The following PRRG1 variants were observed in gnomAD, a reference collection of about 807,000 sequenced individuals.
The protein encoded by PRRG1 is proline rich and Gla domain 1.
Under a neutral mutation model 11.8 loss-of-function variants are expected in PRRG1, and 5 were observed. The ratio of observed to expected loss-of-function variants is 0.42; its 90% CI spans 0.22 to 0.89. PRRG1 has a LOEUF of 0.89. Among genes scored for constraint, PRRG1 ranks in the 40% least tolerant of loss-of-function variants. The pLI is 0.28. For missense variants in PRRG1, 155 were observed against 166.1 expected (o/e 0.93, Z 0.37); for synonymous variants, 66 against 60.4 (o/e 1.09, Z -0.43).
intron 1 of PRRG1, among the ~76,000 whole-genome samples, chrX:37,353,425 G>A (rs1289074746): frequency 8.9e-6 from 1 of 111,791 alleles, no homozygotes. Flanking sequence ...GTAAGCTAAG[G>A]TTAATTTATT....
intron 1 of PRRG1, among the ~76,000 whole-genome samples, chrX:37,378,500 C>T (rs781985036): frequency 2.7e-5 from 3 of 111,751 alleles, no homozygotes; most frequent in Admixed American, 9.5e-5. Flanking sequence ...GAGTGACTTT[C>T]CTTGATAGTT....
At chrX:37,399,368 A>C (rs1931861709) in intron 1 of PRRG1, among the ~76,000 whole-genome samples, 1 of 108,359 alleles carries the variant, frequency 9.2e-6, no homozygotes, top group South Asian at 4.1e-4. Flanking sequence ...AGAATTTCAT[A>C]TCCAGCCAAA....
intron 1 of PRRG1, among the ~76,000 whole-genome samples, chrX:37,385,439 G>T (rs1375281966): frequency 1.8e-5 from 2 of 109,974 alleles, no homozygotes; most frequent in Non-Finnish European, 3.8e-5. Flanking sequence ...ATTCAACAAG[G>T]TGTATACTAA....
At chrX:37,399,468 G>A (rs1556379515) in intron 1 of PRRG1, among the ~76,000 whole-genome samples, 2 of 109,677 alleles carry the variant, frequency 1.8e-5, no homozygotes, top group African/African-American at 6.7e-5. Context: ...CCCTAAAAGA[G>A]CTCCTGAAGG....
At chrX:37,409,220 A>G (rs562669094) in intron 2 of PRRG1, among the ~76,000 whole-genome samples, 3 of 112,397 alleles carry the variant, frequency 2.7e-5, no homozygotes, top group Non-Finnish European at 3.8e-5. Context: ...TAAGAAAATC[A>G]TAAGAAAAAG....
intron 1 of PRRG1, among the ~76,000 whole-genome samples, chrX:37,363,996 T>C (rs1368577692): frequency 9.0e-6 from 1 of 111,501 alleles, no homozygotes; most frequent in Non-Finnish European, 1.9e-5. Context: ...CACCTATATG[T>C]CTGCTTTTTC....
chrX:37,445,503 T>C (rs1556394959), intron 3 of PRRG1, among the ~76,000 whole-genome samples: 1 of 112,312 alleles, frequency 8.9e-6, no homozygotes, highest in African/African-American at 3.2e-5. Flanking sequence ...TGGGATAACC[T>C]GGGATACTGA....
At chrX:37,421,640 C>CT (rs781875388) in intron 2 of PRRG1, among the ~76,000 whole-genome samples, 67 of 112,163 alleles carry the variant, frequency 6.0e-4, no homozygotes, top group African/African-American at 1.9e-3. Context: ...AAGCTGCCAC[C>CT]TTCTCCCTTA....
chrX:37,407,122 A>T (rs1223477486), intron 2 of PRRG1, among the ~76,000 whole-genome samples: 2 of 111,947 alleles, frequency 1.8e-5, no homozygotes, highest in Non-Finnish European at 3.8e-5. Flanking sequence ...CAGGAAAGGT[A>T]TATTTAACAT....
chrX:37,429,105 T>A (rs1300081112), intron 3 of PRRG1, among the ~76,000 whole-genome samples: 1 of 112,090 alleles, frequency 8.9e-6, no homozygotes, highest in Non-Finnish European at 1.9e-5. Flanking sequence ...AACCATTTTT[T>A]CCTTCTGGAC....
chrX:37,441,066 G>A (rs782156792), intron 3 of PRRG1: 189 of 943,841 alleles, frequency 2.0e-4, no homozygotes, highest in Non-Finnish European at 2.4e-4. Context: ...CACCATGCCC[G>A]GCCATCTATT....
intron 1 of PRRG1, among the ~76,000 whole-genome samples, chrX:37,402,250 A>C (rs1287820513): frequency 8.9e-6 from 1 of 111,837 alleles, no homozygotes; most frequent in Non-Finnish European, 1.9e-5. Context: ...ACAAGGCTAC[A>C]GTACTCAAAA....
intron 3 of PRRG1, among the ~76,000 whole-genome samples, chrX:37,428,175 AT>A (rs1186575654): frequency 3.6e-5 from 4 of 110,836 alleles, no homozygotes; most frequent in African/African-American, 1.3e-4. Flanking sequence ...GCCAAACCAT[AT>A]CATTCTGCCC....
intron 3 of PRRG1, among the ~76,000 whole-genome samples, chrX:37,426,766 A>G (rs1319810931): frequency 1.8e-5 from 2 of 112,537 alleles, no homozygotes; most frequent in African/African-American, 3.2e-5. Flanking sequence ...CCATCATGCA[A>G]TCACAAAGCA....
intron 3 of PRRG1, among the ~76,000 whole-genome samples, chrX:37,452,263 A>T (rs1294711679): frequency 8.9e-6 from 1 of 111,902 alleles, no homozygotes; most frequent in African/African-American, 3.2e-5. Flanking sequence ...TTTATATGCC[A>T]GGGACTTAAT....
At chrX:37,365,066 AT>A (rs1930526928) in intron 1 of PRRG1, among the ~76,000 whole-genome samples, 1 of 111,980 alleles carries the variant, frequency 8.9e-6, no homozygotes, top group Non-Finnish European at 1.9e-5. Flanking sequence ...TTCTATTAAG[AT>A]GGCCAAAAGT....
chrX:37,441,915 C>T (rs992310641), intron 3 of PRRG1: 7 of 769,093 alleles, frequency 9.1e-6, no homozygotes, highest in Admixed American at 7.7e-5. Flanking sequence ...CCCAGCTATG[C>T]GACTTCCTGG....
intron 3 of PRRG1, chrX:37,440,959 A>G: frequency 3.3e-6 from 2 of 603,973 alleles, no homozygotes; most frequent in Middle Eastern, 1.1e-3. Context: ...TGTGCAGACA[A>G]GGTCCCACCA....
At chrX:37,450,394 T>TCA (rs10669322) in intron 3 of PRRG1, among the ~76,000 whole-genome samples, 18,171 of 111,635 alleles carry the variant, frequency 0.16, 1,884 homozygotes, top group African/African-American at 0.38. Flanking sequence ...GTTTACTAAT[T>TCA]CAGTTTTTGC....
Sources: allele counts gnomAD v4.1 joint callset (sites outside exome capture counted in the v4.1 genomes callset), GRCh38; gene constraint gnomAD v4.1.1; transcripts MANE v1.5; gene names NCBI Gene and HGNC (gene_info 2026-07-23, HGNC 2026-07-21).